Variants in RGPD2 observed in about 807,000 individuals in gnomAD.
RGPD2 encodes RANBP2 like and GRIP domain containing 2, also known as RANBP2-like and GRIP domain-containing protein 2.
A neutral mutation model predicts 36.0 loss-of-function variants in RGPD2; 2 were observed. The ratio of observed to expected loss-of-function variants is 0.06; its 90% CI spans 0.02 to 0.17. The LOEUF (loss-of-function observed/expected upper bound fraction) is 0.17. Among genes scored for constraint, RGPD2 ranks in the 10% least tolerant of loss-of-function variants. The pLI, the probability that RGPD2 is intolerant of heterozygous loss-of-function variation, is 1.00. For synonymous variants in RGPD2, 19 were observed against 163.8 expected (o/e 0.12, Z 6.75); for missense variants, 40 against 464.3 (o/e 0.09, Z 8.40).
chr2:87,882,403 C>G, the RGPD2 span, among the ~76,000 whole-genome samples: 3 of 152,228 alleles, frequency 2.0e-5, no homozygotes, highest in Non-Finnish European at 2.9e-5. Flanking sequence ...AAAATCAACT[C>G]ACACTAGTTA....
intron 6 of RGPD2, among the ~76,000 whole-genome samples, chr2:87,809,309 A>C (rs1686062027): frequency 6.6e-6 from 1 of 151,396 alleles, no homozygotes; most frequent in Admixed American, 6.6e-5. Context: ...CGTCTCAAAA[A>C]AAAAAAAGAT....
chr2:87,953,885 CT>C, the RGPD2 span, among the ~76,000 whole-genome samples: 45 of 151,056 alleles, frequency 3.0e-4, no homozygotes, highest in African/African-American at 1.1e-3. Flanking sequence ...ATTTCTCACT[CT>C]TTTTGACCAT....
At chr2:87,824,726 C>CGCCGCCGCCGCCGCCGCCGCCGCCGCCCG (rs1686557291) in intron 1 of RGPD2, among the ~76,000 whole-genome samples, 1 of 119,202 alleles carries the variant, frequency 8.4e-6, no homozygotes, top group Non-Finnish European at 2.0e-5. Flanking sequence ...CCGCCGCCGC[C>CGCCGCCGCCGCCGCCGCCGCCGCCGCCCG]GCCCGGCCAG....
chr2:87,853,705 A>C, the RGPD2 span, among the ~76,000 whole-genome samples: 1 of 151,232 alleles, frequency 6.6e-6, no homozygotes, highest in African/African-American at 2.4e-5. Flanking sequence ...ATACTTGAGT[A>C]GCCTAATTAT....
chr2:87,960,281 C>T, the RGPD2 span, among the ~76,000 whole-genome samples: 1 of 134,026 alleles, frequency 7.5e-6, no homozygotes, highest in Non-Finnish European at 1.6e-5. Context: ...CGTATGAACT[C>T]ATTTCTTCCC....
chr2:87,807,413 G>A (rs978541867), intron 6 of RGPD2, among the ~76,000 whole-genome samples: 2 of 125,072 alleles, frequency 1.6e-5, no homozygotes, highest in African/African-American at 3.0e-5. Flanking sequence ...TTGAGACAGA[G>A]TCTCTCACTA....
chr2:87,979,236 TCCC>T, the RGPD2 span, among the ~76,000 whole-genome samples: 1 of 2,268 alleles, frequency 4.4e-4, no homozygotes, highest in East Asian at 0.17. Flanking sequence ...TCTGTCCCCC[TCCC>T]CCAAAAAAAG....
the RGPD2 span, among the ~76,000 whole-genome samples, chr2:87,975,306 GT>G: frequency 4.2e-5 from 6 of 141,444 alleles, no homozygotes; most frequent in African/African-American, 1.6e-4. Context: ...GAACACATCT[GT>G]TTTTCATGTT....
the RGPD2 span, among the ~76,000 whole-genome samples, chr2:87,882,095 A>G: frequency 6.6e-6 from 1 of 152,270 alleles, no homozygotes; most frequent in Non-Finnish European, 1.5e-5. Flanking sequence ...TCTCCATGAC[A>G]TAAACCACTC....
chr2:87,824,788 G>GGCCGAGGCCGCC (rs1413202838), intron 1 of RGPD2, among the ~76,000 whole-genome samples: 2 of 34,686 alleles, frequency 5.8e-5, no homozygotes, highest in African/African-American at 6.1e-4. Context: ...CCGAGGCCGA[G>GGCCGAGGCCGCC]GCCGAGGCCG....
chr2:87,985,451 C>T, the RGPD2 span, among the ~76,000 whole-genome samples: 1 of 149,356 alleles, frequency 6.7e-6, no homozygotes, highest in Non-Finnish European at 1.5e-5. Flanking sequence ...TATCACTAAT[C>T]CTAGCATAAC....
the RGPD2 span, among the ~76,000 whole-genome samples, chr2:87,879,411 CTT>C: frequency 1.6e-5 from 2 of 123,684 alleles, no homozygotes; most frequent in Non-Finnish European, 1.8e-5. Flanking sequence ...ATTTTTTTTT[CTT>C]TTTTTTTTTT....
chr2:87,843,768 T>C, the RGPD2 span, among the ~76,000 whole-genome samples: 1 of 152,192 alleles, frequency 6.6e-6, no homozygotes, highest in African/African-American at 2.4e-5. Context: ...CAGACGTATG[T>C]TTATTGTGGC....
At chr2:87,947,565 C>T in the RGPD2 span, among the ~76,000 whole-genome samples, 1 of 152,014 alleles carries the variant, frequency 6.6e-6, no homozygotes, top group Non-Finnish European at 1.5e-5. Context: ...GAAAATTTTG[C>T]TCTAAGTTTC....
At chr2:87,927,722 A>AG in the RGPD2 span, among the ~76,000 whole-genome samples, 1 of 151,500 alleles carries the variant, frequency 6.6e-6, no homozygotes, top group African/African-American at 2.4e-5. Context: ...GAAAAAAAAA[A>AG]TGGAAACCTA....
At chr2:87,872,974 G>T in the RGPD2 span, among the ~76,000 whole-genome samples, 2 of 152,270 alleles carry the variant, frequency 1.3e-5, no homozygotes, top group African/African-American at 2.4e-5. Flanking sequence ...TGGCCAGGCT[G>T]GTCTTGAACT....
At chr2:87,845,890 A>C in the RGPD2 span, among the ~76,000 whole-genome samples, 2 of 152,036 alleles carry the variant, frequency 1.3e-5, no homozygotes, top group Non-Finnish European at 2.9e-5. Flanking sequence ...TATACTTATT[A>C]GCATATTTTA....
the RGPD2 span, among the ~76,000 whole-genome samples, chr2:87,832,142 G>T: frequency 1.3e-5 from 2 of 148,438 alleles, no homozygotes; most frequent in Admixed American, 6.7e-5. Flanking sequence ...ACCTAAAGAT[G>T]TTAATAAAAA....
At chr2:87,875,298 G>A in the RGPD2 span, among the ~76,000 whole-genome samples, 2 of 152,152 alleles carry the variant, frequency 1.3e-5, no homozygotes, top group Non-Finnish European at 2.9e-5. Context: ...CAAGGGAAAT[G>A]CCTCTAGCTT....
Sources: allele counts gnomAD v4.1 joint callset (sites outside exome capture counted in the v4.1 genomes callset), GRCh38; gene constraint gnomAD v4.1.1; transcripts MANE v1.5; gene names NCBI Gene and HGNC (gene_info 2026-07-23, HGNC 2026-07-21).